AFG2A: variants seen among roughly 807,000 people sequenced by gnomAD.
The protein encoded by AFG2A is ATPase family gene 2 protein homolog A.
At chr4:122,993,201 C>T in the AFG2A span, among the ~76,000 whole-genome samples, 9 of 151,804 alleles carry the variant, frequency 5.9e-5, no homozygotes, top group Non-Finnish European at 1.0e-4. Context: ...CCATGTTGGC[C>T]AGGCTGGTCT....
At chr4:123,224,672 C>T in the AFG2A span, among the ~76,000 whole-genome samples, 70 of 152,210 alleles carry the variant, frequency 4.6e-4, 1 homozygote, top group East Asian at 1.9e-4. Context: ...AATAAACATA[C>T]GTGTGCATGT....
At chr4:123,183,965 C>G in the AFG2A span, among the ~76,000 whole-genome samples, 3 of 149,796 alleles carry the variant, frequency 2.0e-5, no homozygotes, top group African/African-American at 7.6e-5. Flanking sequence ...TTCATTCATT[C>G]ATTCATTTAT....
chr4:123,156,834 A>G, the AFG2A span, among the ~76,000 whole-genome samples: 17 of 151,418 alleles, frequency 1.1e-4, no homozygotes, highest in Non-Finnish European at 2.4e-4. Flanking sequence ...TTTTTTGGAT[A>G]AAGTGTAGGC....
chr4:123,012,363 G>A, the AFG2A span, among the ~76,000 whole-genome samples: 1 of 147,966 alleles, frequency 6.8e-6, no homozygotes, highest in African/African-American at 2.5e-5. Flanking sequence ...GAGAAGGAAG[G>A]GTAGAGACAC....
the AFG2A span, among the ~76,000 whole-genome samples, chr4:123,269,848 C>T: frequency 7.2e-5 from 11 of 152,206 alleles, no homozygotes; most frequent in South Asian, 4.1e-4. Flanking sequence ...GATGGAGTCT[C>T]GCTCTGTCGC....
the AFG2A span, among the ~76,000 whole-genome samples, chr4:122,981,455 G>T: frequency 8.7e-6 from 1 of 115,210 alleles, no homozygotes; most frequent in South Asian, 3.1e-4. Flanking sequence ...ATAGTGTGAT[G>T]CCTACAGCTT....
chr4:123,070,262 A>G, the AFG2A span, among the ~76,000 whole-genome samples: 1 of 152,092 alleles, frequency 6.6e-6, no homozygotes, highest in African/African-American at 2.4e-5. Flanking sequence ...TTAATATTTA[A>G]TTAATTTTTA....
At chr4:123,076,973 TGTG>T in the AFG2A span, among the ~76,000 whole-genome samples, 1 of 138,200 alleles carries the variant, frequency 7.2e-6, no homozygotes. Flanking sequence ...TGTGTGTGTG[TGTG>T]GTGGTGGTGG....
the AFG2A span, among the ~76,000 whole-genome samples, chr4:122,972,522 G>T: frequency 6.8e-6 from 1 of 148,102 alleles, no homozygotes; most frequent in Admixed American, 6.7e-5. Flanking sequence ...TAAGATGAAT[G>T]CCTCACTGAC....
the AFG2A span, among the ~76,000 whole-genome samples, chr4:123,161,785 A>T: frequency 6.6e-6 from 1 of 152,212 alleles, no homozygotes; most frequent in Non-Finnish European, 1.5e-5. Context: ...GTTCTTCAGG[A>T]AAGAAATATA....
the AFG2A span, among the ~76,000 whole-genome samples, chr4:122,987,123 G>T: frequency 6.6e-6 from 1 of 151,884 alleles, no homozygotes; most frequent in African/African-American, 2.4e-5. Flanking sequence ...TCTAATATAA[G>T]TATAGCCACC....
the AFG2A span, among the ~76,000 whole-genome samples, chr4:123,110,353 A>C: frequency 6.6e-6 from 1 of 152,150 alleles, no homozygotes; most frequent in Non-Finnish European, 1.5e-5. Flanking sequence ...TTGATATTTC[A>C]CATTCACATT....
At chr4:123,282,256 T>C in the AFG2A span, among the ~76,000 whole-genome samples, 5 of 152,170 alleles carry the variant, frequency 3.3e-5, no homozygotes, top group Non-Finnish European at 7.3e-5. Context: ...AAAAGGCTAC[T>C]CACTGAGCCT....
chr4:123,221,083 A>C, the AFG2A span, among the ~76,000 whole-genome samples: 1 of 152,260 alleles, frequency 6.6e-6, no homozygotes, highest in East Asian at 1.9e-4. Flanking sequence ...ACATGTGGCT[A>C]TTGAGCACCT....
At chr4:123,092,326 A>G in the AFG2A span, among the ~76,000 whole-genome samples, 1 of 152,128 alleles carries the variant, frequency 6.6e-6, no homozygotes, top group Non-Finnish European at 1.5e-5. Context: ...TATGATATTT[A>G]TTTCCTGGTT....
chr4:123,192,206 T>C, the AFG2A span, among the ~76,000 whole-genome samples: 17 of 152,222 alleles, frequency 1.1e-4, no homozygotes, highest in East Asian at 3.3e-3. Flanking sequence ...TTTGTATTTT[T>C]GGTAGAGACA....
chr4:122,956,174 C>T, the AFG2A span, among the ~76,000 whole-genome samples: 1 of 152,114 alleles, frequency 6.6e-6, no homozygotes, highest in Non-Finnish European at 1.5e-5. Context: ...ATAAACTACT[C>T]ATAAAAATGT....
chr4:123,126,898 G>T, the AFG2A span, among the ~76,000 whole-genome samples: 1 of 152,098 alleles, frequency 6.6e-6, no homozygotes, highest in Non-Finnish European at 1.5e-5. Context: ...GATAATAGTT[G>T]TTTCATGAAT....
At chr4:122,964,554 G>A in the AFG2A span, among the ~76,000 whole-genome samples, 37 of 150,738 alleles carry the variant, frequency 2.5e-4, no homozygotes, top group South Asian at 6.3e-3. Context: ...TAGAATAATC[G>A]ACTACTCTTT....
Sources: gnomAD v4.1 joint callset for allele counts (sites outside exome capture counted in the v4.1 genomes callset) on GRCh38, gnomAD v4.1.1 for gene constraint, MANE v1.5 for transcripts, NCBI Gene and HGNC (gene_info 2026-07-23, HGNC 2026-07-21) for gene names.